CCDC39: variants seen among roughly 807,000 people sequenced by gnomAD.
CCDC39 encodes the protein coiled-coil domain-containing protein 39.
Under a neutral mutation model 121.0 loss-of-function variants are expected in CCDC39, and 113 were observed. The ratio of observed to expected loss-of-function variants is 0.93; its 90% CI spans 0.80 to 1.09. CCDC39 has a LOEUF of 1.09. CCDC39 is among the 50% of genes least tolerant of loss of function. The probability of loss-of-function intolerance (pLI) is 0.00; values close to 1 mark genes in which losing one functional copy is unlikely to be tolerated. For missense variants in CCDC39, 1,063 were observed against 1,074.7 expected (o/e 0.99, Z 0.15); for synonymous variants, 349 against 352.2 (o/e 0.99, Z 0.10).
At chr3:180,652,015 C>T (rs1226508063) in intron 8 of CCDC39, 148 bp downstream of exon 8, 11 of 492,766 alleles carry the variant, frequency 2.2e-5, no homozygotes, top group South Asian at 9.8e-5. Flanking sequence ...CCAGCCTGGG[C>T]AACAAAGCAA....
Position 180,652,217 on chromosome 3 carries a change from G to C in CCDC39, c.980C>G (p.Ala327Gly), listed in dbSNP as rs749620757. Reference protein sequence around the residue: ...TVNRTSSDLEALRKNISKIKK... With the variant: ...TVNRTSSDLEGLRKNISKIKK... ...TATCTTGGAAATATTTTTCCTCAGAGCTTCTAAATCACTGGAAGTTCTATT... is the reference window on the plus strand; with the variant it reads ...TATCTTGGAAATATTTTTCCTCAGACCTTCTAAATCACTGGAAGTTCTATT... Residue 327 changes from alanine (A) to glycine (G), a missense_variant, in exon 8 of 20, where the codon GCT (alanine) becomes GGT (glycine). Coordinates refer to ENST00000476379, the MANE Select transcript of CCDC39 (RefSeq NM_181426.2). The C allele has an allele frequency of 6.5e-7, 1 of 1,536,598 alleles. No homozygotes were observed. Among genetic ancestry groups the C allele is most frequent in the African/African-American group, 1.4e-5 (1 of 72,300 alleles).
At chr3:180,636,665 G>A (rs1363040589) in intron 13 of CCDC39, among the ~76,000 whole-genome samples, 8 of 152,058 alleles carry the variant, frequency 5.3e-5, no homozygotes, top group African/African-American at 1.2e-4. Flanking sequence ...GAGGCATCAC[G>A]TTACCCAACT....
intron 9 of CCDC39, among the ~76,000 whole-genome samples, chr3:180,650,329 T>A (rs1211744971): frequency 6.6e-6 from 1 of 152,074 alleles, no homozygotes; most frequent in African/African-American, 2.4e-5. Flanking sequence ...TGCCAGAGTA[T>A]AAGGGGTTAA....
At position 180,644,221 on chromosome 3, in the gene CCDC39, T is replaced by C; in HGVS notation, c.1564A>G (p.Asn522Asp). Reference sequence around the variant, plus strand: ...ATAAGGGACTGTTTTTCATCACTGTTTTTACTATGTGCCTTCTTGATAAAA... The same window carrying C: ...ATAAGGGACTGTTTTTCATCACTGTCTTTACTATGTGCCTTCTTGATAAAA... ...LYFIKKAHSK[N>D]SDEKQSLMTK... The change falls in exon 12 of 20, where the codon AAC (asparagine) becomes GAC (aspartate). Residue 522 changes from asparagine (N) to aspartate (D), a missense_variant. Transcript: ENST00000476379. The C allele has an allele frequency of 6.5e-7, 1 of 1,537,754 alleles. No individual in the cohort carries two copies. The highest frequency in any genetic ancestry group is 1.2e-5 in the South Asian group (1 of 81,282).
rs754120670 is a variant in CCDC39 at position 180,648,142 on chromosome 3, A to T, written c.1362+23T>A. The T allele has an allele frequency of 1.9e-6, 3 of 1,563,866 alleles. No homozygotes were observed. The South Asian group carries it at 3.4e-5, about 18-fold the overall frequency. On this transcript the variant is annotated intron_variant, in intron 10 of 19. Coordinates refer to ENST00000476379, the MANE Select transcript of CCDC39 (RefSeq NM_181426.2). The stretch of plus-strand genomic sequence containing the variant: ...CAACTGTAATAAATCAATATGGAAG[A>T]TATTCATAAAAGTAACATCTACCTG...
chr3:180,657,056 C>T (rs1711598962), intron 6 of CCDC39, among the ~76,000 whole-genome samples: 1 of 152,116 alleles, frequency 6.6e-6, no homozygotes, highest in African/African-American at 2.4e-5. Flanking sequence ...GTGGATTTGC[C>T]TCAGATTCTT....
At position 180,663,858 on chromosome 3, in the gene CCDC39, T is replaced by C. The variant is rs1227343049; in HGVS notation, c.210+9A>G. On this transcript the variant is annotated intron_variant, in intron 2 of 19. Coordinates refer to ENST00000476379, the MANE Select transcript of CCDC39 (RefSeq NM_181426.2). Reference sequence around the variant, plus strand: ...ACGATATAATCAACATAAATTTCAGTTACTGTACCTGTGTAATTGAGAGCT... The same window carrying C: ...ACGATATAATCAACATAAATTTCAGCTACTGTACCTGTGTAATTGAGAGCT... The C allele has an allele frequency of 1.2e-6, 2 of 1,611,180 alleles. No homozygotes were observed. Among genetic ancestry groups the C allele is most frequent in the East Asian group, 4.5e-5 (2 of 44,814 alleles).
At chr3:180,624,502 G>C (rs1251154389) in intron 14 of CCDC39, among the ~76,000 whole-genome samples, 1 of 151,888 alleles carries the variant, frequency 6.6e-6, no homozygotes, top group Non-Finnish European at 1.5e-5. Context: ...TCTCTGTGTG[G>C]TCGTCTGTGT....
chr3:180,675,845 T>C (rs1340245141), intron 1 of CCDC39, among the ~76,000 whole-genome samples: 1 of 151,928 alleles, frequency 6.6e-6, no homozygotes, highest in Non-Finnish European at 1.5e-5. Context: ...ATACCACACA[T>C]CTACAACCAT....
Position 180,664,268 on chromosome 3 carries a change from T to C in CCDC39, c.91-282A>G, listed in dbSNP as rs191742832. Among the ~76,000 whole-genome samples, 56 of 152,308 alleles carry C rather than the reference T, an allele frequency of 3.7e-4. No individual in the cohort carries two copies. In the Middle Eastern group the frequency reaches 0.014, roughly 37 times the overall value. The stretch of plus-strand genomic sequence containing the variant: ...TTTGCAGACAGATGCCTTCTTGCTG[T>C]ATCTTCACATGACAGAGAAAGAGAT... On this transcript the variant is annotated intron_variant, in intron 1 of 19. Coordinates refer to ENST00000476379, the MANE Select transcript of CCDC39 (RefSeq NM_181426.2).
chr3:180,665,034 A>C (rs986254407), intron 1 of CCDC39, among the ~76,000 whole-genome samples: 2 of 152,086 alleles, frequency 1.3e-5, no homozygotes, highest in East Asian at 1.9e-4. Context: ...TTAAGCGAAC[A>C]AGAGCATACT....
chr3:180,642,044 G>A lies in CCDC39; in HGVS notation c.1823C>T (p.Thr608Ile). The change falls in exon 13 of 20, where the codon ACA becomes ATA. Residue 608 changes from threonine to isoleucine, a missense_variant. Transcript: ENST00000476379. Reference protein sequence around the residue: ...ERTEEIKVHKTMLASQIRYVD... With the variant: ...ERTEEIKVHKIMLASQIRYVD... The stretch of plus-strand genomic sequence containing the variant: ...ATATCTTATTTGTGACGCAAGCATT[G>A]TTTTATGAACCTTGATTTCTTCAGT... The A allele has an allele frequency of 6.2e-7, 1 of 1,608,092 alleles. No individual in the cohort carries two copies. The highest frequency in any genetic ancestry group is 8.5e-7 in the Non-Finnish European group (1 of 1,176,800).
At chr3:180,650,085 C>G (rs1347941140) in intron 9 of CCDC39, among the ~76,000 whole-genome samples, 2 of 152,106 alleles carry the variant, frequency 1.3e-5, no homozygotes, top group African/African-American at 2.4e-5. Flanking sequence ...TCAACTACCC[C>G]TTTTTCAACC....
Position 180,614,948 on chromosome 3 carries a change from AT to A in CCDC39, c.2798del (p.Asn933MetfsTer16). ...RPSSASSSSS[N>X]VKSKKSSK ...ATTTGCTGCTCTTTTTGCTCTTAAC[AT>A]TACTAGAGCTACTACTAGCACTAGA... On this transcript the variant is annotated frameshift_variant, in exon 20 of 20. Transcript: ENST00000476379. LOFTEE classifies it high-confidence loss of function. The A allele has an allele frequency of 6.4e-7, 1 of 1,566,334 alleles. No individual in the cohort carries two copies. Among genetic ancestry groups the A allele is most frequent in the Non-Finnish European group, 8.7e-7 (1 of 1,153,608 alleles).
chr3:180,620,992 CCA>C (rs932320767), intron 14 of CCDC39, among the ~76,000 whole-genome samples: 26 of 152,070 alleles, frequency 1.7e-4, no homozygotes, highest in African/African-American at 6.0e-4. Context: ...TATTTAGCTC[CCA>C]CATATAAGTG....
At chr3:180,655,965 G>T (rs1711567424) in intron 6 of CCDC39, among the ~76,000 whole-genome samples, 1 of 152,164 alleles carries the variant, frequency 6.6e-6, no homozygotes, top group South Asian at 2.1e-4. Context: ...ACTAATCACA[G>T]GAGATTGGGG....
rs1240386443 is a variant in CCDC39 at position 180,615,091 on chromosome 3, C to T, written c.2670-14G>A. The T allele has an allele frequency of 5.3e-6, 8 of 1,508,584 alleles. No homozygotes were observed. In the Admixed American group the frequency reaches 2.1e-4, roughly 39 times the overall value. The allele number at this position is 1,508,584 out of a possible 1,614,324, so 93.4% of individuals were successfully genotyped here. A position where few individuals can be genotyped will look rare whatever the true frequency, so the allele number is the denominator to read the frequency against. Reference sequence around the variant, plus strand: ...CTCCTAGATGACCTAGAAGAAAAACCAGAATTATAAATTCAATGCAAAGTT... The same window carrying T: ...CTCCTAGATGACCTAGAAGAAAAACTAGAATTATAAATTCAATGCAAAGTT... On this transcript the variant is annotated splice_polypyrimidine_tract_variant and intron_variant, in intron 19 of 19. Coordinates refer to ENST00000476379, the MANE Select transcript of CCDC39 (RefSeq NM_181426.2).
chr3:180,639,183 A>C, intron 13 of CCDC39, among the ~76,000 whole-genome samples: 1 of 152,208 alleles, frequency 6.6e-6, no homozygotes, highest in East Asian at 1.9e-4. Flanking sequence ...CCACAAGCTA[A>C]GAATGACTTT....
chr3:180,631,423 C>CA (rs757905331), intron 14 of CCDC39, 46 bp downstream of exon 14: 1 of 1,520,548 alleles, frequency 6.6e-7, no homozygotes, highest in Admixed American at 1.9e-5. Flanking sequence ...AATGAGTTAA[C>CA]AAAGAAAATT....
Sources: gnomAD v4.1 joint callset for allele counts (sites outside exome capture counted in the v4.1 genomes callset) on GRCh38, gnomAD v4.1.1 for gene constraint, MANE v1.5 for transcripts, NCBI Gene and HGNC (gene_info 2026-07-23, HGNC 2026-07-21) for gene names.